LARP1B: variants seen among roughly 807,000 people sequenced by gnomAD.
LARP1B encodes the protein la-related protein 1B.
In LARP1B, 76 loss-of-function variants were observed where a neutral mutation model predicts 114.2. That is an observed-to-expected ratio of 0.67 (90% CI 0.55 to 0.81). LARP1B has a LOEUF of 0.81. LARP1B is among the 30% of genes least tolerant of loss of function. The pLI is 0.00. For missense variants in LARP1B, 1,014 were observed against 1,075.8 expected (o/e 0.94, Z 0.80); for synonymous variants, 345 against 348.0 (o/e 0.99, Z 0.10).
chr4:128,201,426 G>A (rs1359456985), intron 17 of LARP1B, among the ~76,000 whole-genome samples: 1 of 152,134 alleles, frequency 6.6e-6, no homozygotes, highest in Admixed American at 6.5e-5. Flanking sequence ...TATGTGCTTA[G>A]AGCCAACCCA....
chr4:128,207,493 T>C, intron 19 of LARP1B, 110 bp downstream of exon 19: 1 of 690,002 alleles, frequency 1.4e-6, no homozygotes. Flanking sequence ...AACTTTTTAG[T>C]TTTAAAATTA....
rs2150975894 is a variant in LARP1B at position 128,211,931 on chromosome 4, T to C, written c.*1878T>C. ...AAGTAATACATGTACATTGGGAAAT[T>C]TAGAAAAGCACAAAGAAGAAAATAA... On this transcript the variant is annotated 3_prime_UTR_variant, in exon 20 of 20. Coordinates refer to ENST00000326639, the MANE Select transcript of LARP1B (RefSeq NM_018078.4). 1 of 270,982 alleles carries C rather than the reference T, an allele frequency of 3.7e-6. No individual in the cohort carries two copies. The highest frequency in any genetic ancestry group is 1.8e-4 in the East Asian group (1 of 5,692). 16.8% of individuals were successfully genotyped at this position (270,982 alleles called of 1,614,324 possible).
intron 1 of LARP1B, among the ~76,000 whole-genome samples, chr4:128,066,008 AT>A (rs990609669): frequency 6.7e-6 from 1 of 148,448 alleles, no homozygotes; most frequent in African/African-American, 2.5e-5. Context: ...GTTATTTTTA[AT>A]TTTTTTTTGT....
rs544257568 is a variant in LARP1B at position 128,083,187 on chromosome 4, A to G, written c.358+882A>G. On this transcript the variant is annotated intron_variant, in intron 5 of 19. Transcript: ENST00000326639. ...GCAGAAGAATTTATCTTAGTACAGA[A>G]CAAAATGAAAAGTCTCCCATGTCTA... 4.6e-5 allele frequency among the ~76,000 whole-genome samples: 7 copies of G among 152,318 alleles called. No individual in the cohort carries two copies. In the South Asian group the frequency reaches 1.4e-3, roughly 32 times the overall value.
intron 12 of LARP1B, among the ~76,000 whole-genome samples, chr4:128,171,473 T>C (rs1743692579): frequency 6.6e-6 from 1 of 152,200 alleles, no homozygotes; most frequent in African/African-American, 2.4e-5. Flanking sequence ...TATCTTCATA[T>C]GTTAAAAAGC....
intron 15 of LARP1B, among the ~76,000 whole-genome samples, chr4:128,194,865 G>A (rs1230668412): frequency 1.3e-5 from 2 of 148,662 alleles, no homozygotes; most frequent in Non-Finnish European, 3.0e-5. Flanking sequence ...AGACTCCATC[G>A]CAAAAAAAAA....
intron 11 of LARP1B, among the ~76,000 whole-genome samples, chr4:128,161,599 A>G (rs1738543370): frequency 6.6e-6 from 1 of 152,012 alleles, no homozygotes. Context: ...TTCTACACAG[A>G]TTTTCTTAGT....
intron 8 of LARP1B, among the ~76,000 whole-genome samples, chr4:128,098,747 G>GTGTATATA: frequency 1.3e-4 from 2 of 15,586 alleles, no homozygotes; most frequent in South Asian, 5.0e-3. Flanking sequence ...ATATGTATGT[G>GTGTATATA]TATATATATA....
chr4:128,180,123 T>A (rs74697805), intron 15 of LARP1B, among the ~76,000 whole-genome samples: 3,198 of 152,236 alleles, frequency 0.021, 52 homozygotes, highest in Middle Eastern at 0.058. Context: ...ATGCTTTTTT[T>A]AAAATAAAAA....
At chr4:128,079,488 A>G (rs1769382931) in intron 4 of LARP1B, among the ~76,000 whole-genome samples, 1 of 152,174 alleles carries the variant, frequency 6.6e-6, no homozygotes, top group Non-Finnish European at 1.5e-5. Context: ...TTGCTCAAAA[A>G]CAGTGACAAC....
At chr4:128,103,610 T>C (rs1191517519) in intron 8 of LARP1B, among the ~76,000 whole-genome samples, 1 of 150,520 alleles carries the variant, frequency 6.6e-6, no homozygotes, top group Non-Finnish European at 1.5e-5. Context: ...TCACCCAGGT[T>C]GGAGTGCGGT....
chr4:128,116,200 A>G (rs1470282454), intron 10 of LARP1B, among the ~76,000 whole-genome samples: 1 of 152,196 alleles, frequency 6.6e-6, no homozygotes, highest in Non-Finnish European at 1.5e-5. Context: ...TAGATACACG[A>G]ACTTACATAT....
At chr4:128,166,294 A>G (rs1740784269) in intron 12 of LARP1B, among the ~76,000 whole-genome samples, 1 of 151,854 alleles carries the variant, frequency 6.6e-6, no homozygotes, top group Admixed American at 6.6e-5. Context: ...TTATATTCAT[A>G]TATATTTAAA....
chr4:128,092,981 C>G (rs1265207804), intron 7 of LARP1B: 2 of 985,394 alleles, frequency 2.0e-6, no homozygotes, highest in Non-Finnish European at 2.4e-6. Context: ...AGAGCTACTT[C>G]AGTGTTGACA....
chr4:128,130,314 A>G (rs555521345), intron 11 of LARP1B, among the ~76,000 whole-genome samples: 6 of 152,354 alleles, frequency 3.9e-5, no homozygotes, highest in Admixed American at 1.3e-4. Flanking sequence ...ACAGAACCCA[A>G]TTTAAAAATG....
At chr4:128,209,080 C>T (rs2150960290) in intron 19 of LARP1B, among the ~76,000 whole-genome samples, 1 of 152,266 alleles carries the variant, frequency 6.6e-6, no homozygotes, top group Admixed American at 6.5e-5. Flanking sequence ...TATAGTTATG[C>T]CCCATCAGAT....
At position 128,114,672 on chromosome 4, in the gene LARP1B, T is replaced by C; in HGVS notation, c.1091T>C (p.Leu364Ser). 1 of 1,614,110 alleles carries C rather than the reference T, an allele frequency of 6.2e-7. No homozygotes were observed. The highest frequency in any genetic ancestry group is 8.5e-7 in the Non-Finnish European group (1 of 1,179,982). ...QAMSRGLSTS[L>S]PDLDSEPWIE... ...ATGTCTAGAGGTTTGTCTACCAGTT[T>C]GCCTGACTTGGACTCAGAACCTTGG... The change falls in exon 10 of 20, where the codon TTG (leucine) becomes TCG (serine). Residue 364 changes from leucine (L) to serine (S), a missense_variant. Physicochemically the swap from Leu to Ser is moderately radical, Grantham distance 145. Coordinates refer to ENST00000326639, the MANE Select transcript of LARP1B (RefSeq NM_018078.4).
At chr4:128,161,151 C>G (rs539462688) in intron 11 of LARP1B, among the ~76,000 whole-genome samples, 1 of 152,114 alleles carries the variant, frequency 6.6e-6, no homozygotes, top group Non-Finnish European at 1.5e-5. Flanking sequence ...GTCCCTCAAA[C>G]TCCTTTTTTA....
In LARP1B at chr4:128,158,632, C is replaced by A. The variant is rs549895303; in HGVS notation, c.1525-3562C>A. ...AGTCATCTCAACAAAAGAAGCTATCCAAATCAGCAAATATACTCAAGCTTT... is the reference window on the plus strand; with the variant it reads ...AGTCATCTCAACAAAAGAAGCTATCAAAATCAGCAAATATACTCAAGCTTT... On this transcript the variant is annotated intron_variant, in intron 11 of 19. Transcript: ENST00000326639. Among the ~76,000 whole-genome samples, 8 of 152,094 alleles carry A rather than the reference C, an allele frequency of 5.3e-5. No homozygotes were observed. In the South Asian group the frequency reaches 1.7e-3, roughly 32 times the overall value.
Sources: allele counts gnomAD v4.1 joint callset (sites outside exome capture counted in the v4.1 genomes callset), GRCh38; gene constraint gnomAD v4.1.1; transcripts MANE v1.5; gene names NCBI Gene and HGNC (gene_info 2026-07-23, HGNC 2026-07-21).